Variants in GPC5 observed in about 807,000 individuals in gnomAD.
GPC5 encodes glypican-5.
Under a neutral mutation model 53.9 loss-of-function variants are expected in GPC5, and 47 were observed. The observed-to-expected ratio is 0.87, with a 90% CI of 0.69 to 1.11. The LOEUF is 1.11. Ranked by LOEUF, GPC5 falls within the 50% of genes most tolerant of loss-of-function variation. The pLI is 0.00. For missense variants in GPC5, 748 were observed against 713.1 expected (o/e 1.05, Z -0.56); for synonymous variants, 286 against 263.3 (o/e 1.09, Z -0.84).
intron 7 of GPC5, among the ~76,000 whole-genome samples, chr13:92,567,960 A>C (rs2139037409): frequency 6.6e-6 from 1 of 152,312 alleles, no homozygotes; most frequent in East Asian, 1.9e-4. Flanking sequence ...GAAAAAGTGT[A>C]GAAATTGAAA....
At chr13:92,773,090 A>G (rs78226726) in intron 7 of GPC5, among the ~76,000 whole-genome samples, 11,574 of 152,198 alleles carry the variant, frequency 0.076, 528 homozygotes, top group Admixed American at 0.13. Flanking sequence ...GAGATCCTTC[A>G]TTGTAATACC....
chr13:91,449,253 C>A (rs1468744773), intron 2 of GPC5, among the ~76,000 whole-genome samples: 1 of 152,048 alleles, frequency 6.6e-6, no homozygotes, highest in African/African-American at 2.4e-5. Flanking sequence ...TATTAGATTT[C>A]ATGGAAAAGT....
intron 7 of GPC5, among the ~76,000 whole-genome samples, chr13:92,642,756 G>C (rs941398330): frequency 6.6e-6 from 1 of 152,112 alleles, no homozygotes; most frequent in Admixed American, 6.6e-5. Flanking sequence ...TGTTATTGTT[G>C]TTGTTCCTGA....
intron 2 of GPC5, among the ~76,000 whole-genome samples, chr13:91,623,546 AG>A (rs1330426306): frequency 2.0e-5 from 3 of 152,148 alleles, no homozygotes; most frequent in African/African-American, 7.2e-5. Context: ...TTATGGCACC[AG>A]GGTTTATCTT....
chr13:92,120,995 T>C (rs1271145936), intron 6 of GPC5, among the ~76,000 whole-genome samples: 1 of 152,202 alleles, frequency 6.6e-6, no homozygotes, highest in Non-Finnish European at 1.5e-5. Flanking sequence ...AGACCACTAG[T>C]TCTTCAATTG....
At position 91,455,159 on chromosome 13, in the gene GPC5, A is replaced by G. The variant is rs551651881; in HGVS notation, c.325+6237A>G. 2.2e-5 allele frequency among the ~76,000 whole-genome samples: 3 copies of G among 133,896 alleles called. No individual in the cohort carries two copies. The East Asian group carries it at 6.8e-4, about 30-fold the overall frequency. 87.8% of individuals were successfully genotyped at this position (133,896 alleles called of 152,430 possible). A position where few individuals can be genotyped will look rare whatever the true frequency, so the allele number is the denominator to read the frequency against. ...ATTTGTAACCTATTTTTGCACTTAA[A>G]ATGTTGCAGTGAACATTCTTGATAT... On this transcript the variant is annotated intron_variant, in intron 2 of 7. Transcript: ENST00000377067.
At chr13:92,225,959 A>C (rs1594013909) in intron 7 of GPC5, among the ~76,000 whole-genome samples, 1 of 152,274 alleles carries the variant, frequency 6.6e-6, no homozygotes, top group East Asian at 1.9e-4. Context: ...CCTAAATCTT[A>C]TCTTGAATTC....
At chr13:91,647,879 A>G (rs985862959) in intron 2 of GPC5, among the ~76,000 whole-genome samples, 6 of 152,186 alleles carry the variant, frequency 3.9e-5, no homozygotes, top group Non-Finnish European at 2.9e-5. Flanking sequence ...TCTTTCTAAC[A>G]CACTGTATAA....
intron 1 of GPC5, among the ~76,000 whole-genome samples, chr13:91,418,940 T>C (rs1878419324): frequency 6.6e-6 from 1 of 151,968 alleles, no homozygotes; most frequent in Non-Finnish European, 1.5e-5. Flanking sequence ...CAGTTGTACA[T>C]ACAGCTGAAA....
chr13:91,524,568 T>C (rs936454197), intron 2 of GPC5, among the ~76,000 whole-genome samples: 5 of 152,216 alleles, frequency 3.3e-5, no homozygotes, highest in Non-Finnish European at 5.9e-5. Context: ...ATTCTGTTCA[T>C]ATACTGATTA....
chr13:91,952,537 T>C (rs2040036880), intron 6 of GPC5, among the ~76,000 whole-genome samples: 1 of 152,088 alleles, frequency 6.6e-6, no homozygotes. Context: ...AGCAGTATGT[T>C]TGCAGAGATA....
chr13:92,594,370 G>A (rs1883803354), intron 7 of GPC5, among the ~76,000 whole-genome samples: 1 of 152,282 alleles, frequency 6.6e-6, no homozygotes, highest in Admixed American at 6.5e-5. Flanking sequence ...ACAGGTGAGA[G>A]CAAATGTGCA....
In GPC5 at chr13:91,838,300, T is replaced by C. The variant is rs1226780358; in HGVS notation, c.1281-69637T>C. 2.0e-5 allele frequency among the ~76,000 whole-genome samples: 3 copies of C among 151,986 alleles called. No individual in the cohort carries two copies. In the East Asian group the frequency reaches 5.8e-4, roughly 29 times the overall value. Reference sequence around the variant, plus strand: ...AGTGACATCCCCAGGATCCAGTAACTAAAAGGACACTCTTAGCTCAATAGG... The same window carrying C: ...AGTGACATCCCCAGGATCCAGTAACCAAAAGGACACTCTTAGCTCAATAGG... On this transcript the variant is annotated intron_variant, in intron 5 of 7. Coordinates refer to ENST00000377067, the MANE Select transcript of GPC5 (RefSeq NM_004466.6).
At chr13:92,628,262 TTC>T (rs1885114792) in intron 7 of GPC5, among the ~76,000 whole-genome samples, 1 of 127,458 alleles carries the variant, frequency 7.8e-6, no homozygotes, top group African/African-American at 3.1e-5. Flanking sequence ...TTCTTTTTCT[TTC>T]TTTTTTTTTT....
chr13:92,702,024 C>CTGT (rs113322484), intron 7 of GPC5, among the ~76,000 whole-genome samples: 1 of 151,970 alleles, frequency 6.6e-6, no homozygotes, highest in African/African-American at 2.4e-5. Context: ...CTTTTCTCCC[C>CTGT]TGTTATAGGA....
intron 7 of GPC5, among the ~76,000 whole-genome samples, chr13:92,856,594 T>C (rs1270614224): frequency 2.0e-5 from 3 of 152,018 alleles, no homozygotes; most frequent in Non-Finnish European, 4.4e-5. Flanking sequence ...TTCTAAAGAA[T>C]GCCAAAAGTC....
chr13:92,527,241 GAAA>G (rs1881380190), intron 7 of GPC5, among the ~76,000 whole-genome samples: 2 of 36,584 alleles, frequency 5.5e-5, no homozygotes, highest in South Asian at 2.3e-3. Flanking sequence ...AAGAAAGAAA[GAAA>G]GAAAGAGAAA....
At chr13:92,395,300 G>T (rs150073276) in intron 7 of GPC5, among the ~76,000 whole-genome samples, 1 of 151,762 alleles carries the variant, frequency 6.6e-6, no homozygotes, top group Non-Finnish European at 1.5e-5. Context: ...TAGACTTTCC[G>T]ATATAAATGT....
At chr13:91,528,643 G>A (rs1487116840) in intron 2 of GPC5, among the ~76,000 whole-genome samples, 1 of 152,054 alleles carries the variant, frequency 6.6e-6, no homozygotes, top group African/African-American at 2.4e-5. Context: ...TTATAGCAGT[G>A]CCTCACTCCC....
Sources: gnomAD v4.1 joint callset for allele counts (sites outside exome capture counted in the v4.1 genomes callset) on GRCh38, gnomAD v4.1.1 for gene constraint, MANE v1.5 for transcripts, NCBI Gene and HGNC (gene_info 2026-07-23, HGNC 2026-07-21) for gene names.